Variants in ZCCHC8 observed in about 807,000 individuals in gnomAD.
The protein encoded by ZCCHC8 is zinc finger CCHC domain-containing protein 8.
ZCCHC8 carries 27 observed loss-of-function variants against 70.6 expected under a neutral mutation model. The ratio of observed to expected loss-of-function variants is 0.38; its 90% CI spans 0.28 to 0.53. The LOEUF is 0.53. Ranked by LOEUF, ZCCHC8 falls within the 20% of genes least tolerant of loss-of-function variation. The pLI is 0.81. For synonymous variants in ZCCHC8, 293 were observed against 317.4 expected, an observed-to-expected ratio of 0.92 and a Z score of 0.82; for missense variants, 737 against 876.9, an observed-to-expected ratio of 0.84 and a Z score of 2.01.
intron 7 of ZCCHC8, 128 bp from the exon 8 acceptor site, chr12:122,482,823 T>A: frequency 1.4e-6 from 1 of 712,338 alleles, no homozygotes; most frequent in African/African-American, 1.8e-5. Context: ...ATCACTAATA[T>A]CTGCAACAAG....
At chr12:122,484,414 ATTTT>A (rs59816817) in intron 5 of ZCCHC8, among the ~76,000 whole-genome samples, 1 of 138,762 alleles carries the variant, frequency 7.2e-6, no homozygotes, top group Admixed American at 7.3e-5. Context: ...ATACTCTTTA[ATTTT>A]TTTTTTTTTT....
At chr12:122,475,698 G>C (rs1957406287) in intron 13 of ZCCHC8, among the ~76,000 whole-genome samples, 1 of 152,134 alleles carries the variant, frequency 6.6e-6, no homozygotes, top group South Asian at 2.1e-4. Flanking sequence ...CCTTGTGTCT[G>C]TCCTCCAAAC....
At chr12:122,481,772 G>A (rs985802982) in intron 9 of ZCCHC8, 108 bp from the exon 10 acceptor site, 58 of 1,381,930 alleles carry the variant, frequency 4.2e-5, no homozygotes, top group African/African-American at 1.6e-4. Context: ...ATACCATGAC[G>A]TCTAACAAAT....
intron 10 of ZCCHC8, chr12:122,480,598 A>T: frequency 4.2e-6 from 1 of 239,722 alleles, no homozygotes; most frequent in Non-Finnish European, 8.0e-6. Context: ...CAGCCTCCTA[A>T]ATAGCTGGTA....
intron 5 of ZCCHC8, among the ~76,000 whole-genome samples, chr12:122,487,222 A>G (rs1239310165): frequency 1.3e-5 from 2 of 152,210 alleles, no homozygotes; most frequent in Non-Finnish European, 2.9e-5. Context: ...TTCCCTGACT[A>G]CAATGTAATT....
At position 122,500,575 on chromosome 12, in the gene ZCCHC8, G is replaced by T; in HGVS notation, c.199+67C>A. 2 of 1,485,710 alleles carry T rather than the reference G, an allele frequency of 1.3e-6. No homozygotes were observed. The highest frequency in any genetic ancestry group is 1.8e-6 in the Non-Finnish European group (2 of 1,116,416). The allele number at this position is 1,485,710 out of a possible 1,614,324, so 92.0% of individuals were successfully genotyped here. ...CCTCGCCCTCGCCCGGCGCTGCCCC[G>T]GCCCCACGCCTGGCGCTGCCCCGGC... On this transcript the variant is annotated intron_variant, in intron 1 of 13. Transcript: ENST00000633063. This position sits in a 1 kb window ranked among gnomAD's most constrained non-coding sequence, Gnocchi z 4.8.
At chr12:122,484,715 C>A (rs1957601718) in intron 5 of ZCCHC8, among the ~76,000 whole-genome samples, 1 of 151,798 alleles carries the variant, frequency 6.6e-6, no homozygotes. Flanking sequence ...AATGACACTG[C>A]CCTCTCTCTT....
At chr12:122,492,468 A>G (rs1174064432) in intron 3 of ZCCHC8, among the ~76,000 whole-genome samples, 3 of 152,192 alleles carry the variant, frequency 2.0e-5, no homozygotes, top group Non-Finnish European at 4.4e-5. Context: ...CAGTGAAGTA[A>G]CGGATGATGC....
chr12:122,493,829 G>A (rs768976653), intron 2 of ZCCHC8, among the ~76,000 whole-genome samples: 19 of 151,938 alleles, frequency 1.3e-4, no homozygotes, highest in Non-Finnish European at 2.1e-4. Context: ...TAGCTAGGAT[G>A]GTCTCGATCT....
chr12:122,482,250 G>A, intron 8 of ZCCHC8, 163 bp from the exon 9 acceptor site: 3 of 680,324 alleles, frequency 4.4e-6, no homozygotes, highest in Admixed American at 3.6e-5. Flanking sequence ...AAATACGTAA[G>A]GAAAGGAGCA....
At chr12:122,486,728 C>T (rs1335411300) in intron 5 of ZCCHC8, among the ~76,000 whole-genome samples, 1 of 152,120 alleles carries the variant, frequency 6.6e-6, no homozygotes, top group East Asian at 1.9e-4. Flanking sequence ...AGTCACCATA[C>T]CCAGCTAATT....
intron 2 of ZCCHC8, among the ~76,000 whole-genome samples, chr12:122,495,686 A>G (rs2137369863): frequency 6.6e-6 from 1 of 152,018 alleles, no homozygotes; most frequent in African/African-American, 2.4e-5. Context: ...CGTCTCTACT[A>G]AAAATACAGA....
intron 13 of ZCCHC8, among the ~76,000 whole-genome samples, chr12:122,476,952 G>T (rs543605535): frequency 9.4e-5 from 14 of 149,282 alleles, no homozygotes; most frequent in African/African-American, 3.2e-4. Context: ...AACCTGAGAG[G>T]CGGAGGTTGC....
chr12:122,473,507 G>C lies in ZCCHC8; in HGVS notation c.2114C>G (p.Ala705Gly), dbSNP rs761935280. The change falls in exon 14 of 14, where the codon GCC (alanine) becomes GGC (glycine). Residue 705 changes from alanine to glycine, a missense_variant. By Grantham distance (60) the Ala-to-Gly change is moderately conservative. Coordinates refer to ENST00000633063, the MANE Select transcript of ZCCHC8 (RefSeq NM_017612.5). ...TGCTAAGTCAAGCCATTATTCAGAG[G>C]CCTTTTTGTTTTTCTGCTGGTTTCG... ...SPRNQQKNKK[A>G]SE 6.2e-7 allele frequency: 1 copy of C among 1,613,132 alleles called. No individual in the cohort carries two copies. The highest frequency in any genetic ancestry group is 1.3e-5 in the African/African-American group (1 of 74,764).
intron 5 of ZCCHC8, among the ~76,000 whole-genome samples, chr12:122,486,289 T>G (rs1446331324): frequency 6.6e-6 from 1 of 151,400 alleles, no homozygotes; most frequent in Non-Finnish European, 1.5e-5. Flanking sequence ...GGTGCACACC[T>G]GTGATCCCAG....
Position 122,483,636 on chromosome 12 carries a change from T to G in ZCCHC8, c.502-73A>C, listed in dbSNP as rs1234513813. The G allele has an allele frequency of 2.6e-6, 3 of 1,132,344 alleles. No individual in the cohort carries two copies. Among genetic ancestry groups the G allele is most frequent in the Admixed American group, 5.0e-5 (2 of 39,776 alleles). The allele number at this position is 1,132,344 out of a possible 1,614,324, so 70.1% of individuals were successfully genotyped here. On this transcript the variant is annotated intron_variant, in intron 5 of 13. Transcript: ENST00000633063. The surrounding 1 kb of genome is among the most constrained non-coding windows in gnomAD (Gnocchi z 4.4). The stretch of plus-strand genomic sequence containing the variant: ...ACATTAAATAATGTAAGATTATGAT[T>G]AACTGTTTTAACAATTTATTTTTGG...
rs2137377322 is a variant in ZCCHC8 at position 122,498,857 on chromosome 12, T to C, written c.212A>G (p.Lys71Arg). ...EQLRAENQEL[K>R]RKLNILTRPS... ...TCGAGTCAGAATGTTCAATTTTCGT[T>C]TAAGTTCTTGATGTTATTATTTGTT... Residue 71 changes from lysine (K) to arginine (R), a missense_variant, in exon 2 of 14, where the codon AAA becomes AGA. Coordinates refer to ENST00000633063, the MANE Select transcript of ZCCHC8 (RefSeq NM_017612.5). 1.2e-6 allele frequency: 2 copies of C among 1,613,490 alleles called. No individual in the cohort carries two copies. Among genetic ancestry groups the C allele is most frequent in the Non-Finnish European group, 1.7e-6 (2 of 1,179,642 alleles).
Position 122,481,530 on chromosome 12 carries a change from T to C in ZCCHC8, c.1010A>G (p.Asp337Gly). The C allele has an allele frequency of 1.2e-6, 2 of 1,612,470 alleles. No individual in the cohort carries two copies. The highest frequency in any genetic ancestry group is 8.5e-7 in the Non-Finnish European group (1 of 1,179,430). The change falls in exon 10 of 14, where the codon GAT becomes GGT. Residue 337 changes from aspartate (D) to glycine (G), a missense_variant. Coordinates refer to ENST00000633063, the MANE Select transcript of ZCCHC8 (RefSeq NM_017612.5). ...AACTTAAGATACTATACCTTTTCCA[T>C]CATAGAGTGCAAGCCCCGAATTCTC... ...ELENSGLALY[D>G]GKDGTDGETE...
At chr12:122,479,220 C>T (rs911790289) in intron 11 of ZCCHC8, among the ~76,000 whole-genome samples, 5 of 152,100 alleles carry the variant, frequency 3.3e-5, no homozygotes, top group African/African-American at 9.7e-5. Context: ...GGATTATAGG[C>T]GCCTGCCACC....
Sources: gnomAD v4.1 joint callset for allele counts (sites outside exome capture counted in the v4.1 genomes callset) on GRCh38, gnomAD v4.1.1 for gene constraint, Gnocchi (gnomAD v3.1) non-coding constraint, MANE v1.5 for transcripts, NCBI Gene and HGNC (gene_info 2026-07-23, HGNC 2026-07-21) for gene names.